Variants in ROBO2 observed in about 807,000 individuals in gnomAD.
ROBO2 encodes the protein roundabout guidance receptor 2.
In ROBO2, 53 loss-of-function variants were observed where a neutral mutation model predicts 160.8. That is an observed-to-expected ratio of 0.33 (90% CI 0.26 to 0.41). The LOEUF (loss-of-function observed/expected upper bound fraction) is 0.41. ROBO2 is among the 10% of genes least tolerant of loss of function. The pLI is 1.00. For synonymous variants in ROBO2, 664 were observed against 611.7 expected (o/e 1.09, Z -1.26); for missense variants, 1,577 against 1,722.4 (o/e 0.92, Z 1.49).
intron 2 of ROBO2, among the ~76,000 whole-genome samples, chr3:76,662,664 C>A (rs1484634688): frequency 6.6e-6 from 1 of 151,950 alleles, no homozygotes; most frequent in Non-Finnish European, 1.5e-5. Context: ...CTCATCTAGA[C>A]TTAAGGTACA....
chr3:76,574,847 C>T (rs1407396337), intron 2 of ROBO2, among the ~76,000 whole-genome samples: 1 of 152,044 alleles, frequency 6.6e-6, no homozygotes, highest in South Asian at 2.1e-4. Flanking sequence ...CCAGGTGCCG[C>T]CAGTGCTGCT....
At chr3:76,719,751 G>T (rs994540425) in intron 2 of ROBO2, among the ~76,000 whole-genome samples, 12 of 151,984 alleles carry the variant, frequency 7.9e-5, no homozygotes, top group African/African-American at 2.9e-4. Context: ...GGGTGTGGTG[G>T]TGAGCACCTG....
At chr3:76,692,385 T>C (rs1335554761) in intron 2 of ROBO2, among the ~76,000 whole-genome samples, 1 of 152,108 alleles carries the variant, frequency 6.6e-6, no homozygotes, top group East Asian at 1.9e-4. Flanking sequence ...ACAGGCCTGG[T>C]ACATTTGTGC....
chr3:77,341,968 A>G (rs1197753970), intron 2 of ROBO2, among the ~76,000 whole-genome samples: 4 of 152,172 alleles, frequency 2.6e-5, no homozygotes, highest in African/African-American at 7.2e-5. Flanking sequence ...TTCTTGGAAT[A>G]TTGCAAGAGA....
chr3:77,292,670 T>C (rs1171503377), intron 2 of ROBO2, among the ~76,000 whole-genome samples: 3 of 149,496 alleles, frequency 2.0e-5, no homozygotes, highest in East Asian at 2.0e-4. Flanking sequence ...TAAAGTAAAA[T>C]TGACGGTTAA....
chr3:76,181,494 C>A (rs1325612938), intron 2 of ROBO2, among the ~76,000 whole-genome samples: 1 of 152,070 alleles, frequency 6.6e-6, no homozygotes. Flanking sequence ...GACTTCCATG[C>A]TTTAAAATGC....
rs185327403 is a variant in ROBO2 at position 76,818,296 on chromosome 3, G to T, written c.110-279718G>T. Among the ~76,000 whole-genome samples the T allele has an allele frequency of 1.1e-4, 16 of 151,978 alleles. No individual in the cohort carries two copies. The East Asian group carries it at 3.1e-3, about 29-fold the overall frequency. On this transcript the variant is annotated intron_variant, in intron 2 of 26. Transcript: ENST00000487694. ...GTTGGGCATTTGTATATCTTGTTTT[G>T]AGAATTGTCTATTCCTGTCCTTATC...
chr3:77,245,044 A>G (rs1213360932), intron 2 of ROBO2, among the ~76,000 whole-genome samples: 1 of 151,914 alleles, frequency 6.6e-6, no homozygotes, highest in East Asian at 1.9e-4. Flanking sequence ...ATTTAAAATT[A>G]TGAGGATGAT....
At chr3:76,894,989 A>G (rs1301500310) in intron 2 of ROBO2, among the ~76,000 whole-genome samples, 1 of 152,130 alleles carries the variant, frequency 6.6e-6, no homozygotes, top group Admixed American at 6.5e-5. Flanking sequence ...TGTGTTAACT[A>G]TTTTAACATT....
chr3:76,521,358 T>C (rs2081608938), intron 2 of ROBO2, among the ~76,000 whole-genome samples: 1 of 152,102 alleles, frequency 6.6e-6, no homozygotes, highest in African/African-American at 2.4e-5. Context: ...CCAACAACAA[T>C]TGCTCTCTGC....
At chr3:77,299,738 T>C (rs779520608) in intron 2 of ROBO2, among the ~76,000 whole-genome samples, 6 of 152,106 alleles carry the variant, frequency 3.9e-5, no homozygotes, top group African/African-American at 7.2e-5. Context: ...TAGATTATGA[T>C]TGCAAAATCT....
At chr3:76,188,970 G>A (rs1302479162) in intron 2 of ROBO2, among the ~76,000 whole-genome samples, 1 of 152,120 alleles carries the variant, frequency 6.6e-6, no homozygotes, top group Non-Finnish European at 1.5e-5. Flanking sequence ...GCAAAAAAAG[G>A]TTATTGTATC....
intron 2 of ROBO2, among the ~76,000 whole-genome samples, chr3:76,624,694 A>G (rs1409107112): frequency 1.3e-5 from 2 of 148,166 alleles, no homozygotes; most frequent in Non-Finnish European, 3.0e-5. Context: ...GCTGCTCAGG[A>G]GGCTGAGGGA....
intron 2 of ROBO2, among the ~76,000 whole-genome samples, chr3:76,598,329 T>C (rs576228807): frequency 1.9e-4 from 29 of 152,120 alleles, no homozygotes; most frequent in Non-Finnish European, 4.1e-4. Context: ...TTTTTGTTGT[T>C]GTTTTTAATA....
chr3:76,739,069 T>G (rs981127275), intron 2 of ROBO2, among the ~76,000 whole-genome samples: 6 of 152,166 alleles, frequency 3.9e-5, no homozygotes, highest in African/African-American at 1.4e-4. Context: ...CAGGTCAGTG[T>G]GGCGATTCCT....
At chr3:77,507,276 C>T (rs1287034230) in intron 5 of ROBO2, among the ~76,000 whole-genome samples, 3 of 152,176 alleles carry the variant, frequency 2.0e-5, no homozygotes, top group Admixed American at 2.0e-4. Flanking sequence ...GAATCTTCCA[C>T]AGCATCTCGG....
intron 2 of ROBO2, among the ~76,000 whole-genome samples, chr3:76,943,613 C>T (rs1269273578): frequency 1.3e-5 from 2 of 152,276 alleles, no homozygotes; most frequent in South Asian, 2.1e-4. Context: ...TTTTGCACAA[C>T]AAATTTTGTT....
chr3:76,204,369 G>A (rs1702700310), intron 2 of ROBO2, among the ~76,000 whole-genome samples: 1 of 152,038 alleles, frequency 6.6e-6, no homozygotes, highest in Non-Finnish European at 1.5e-5. Context: ...AATGTGATGT[G>A]TACCTTTCTG....
chr3:77,281,911 G>A (rs566957171), intron 2 of ROBO2, among the ~76,000 whole-genome samples: 1 of 152,168 alleles, frequency 6.6e-6, no homozygotes, highest in Non-Finnish European at 1.5e-5. Flanking sequence ...TCTGACAGGA[G>A]GCGGAGCTCA....
Sources: gnomAD v4.1 joint callset for allele counts (sites outside exome capture counted in the v4.1 genomes callset) on GRCh38, gnomAD v4.1.1 for gene constraint, MANE v1.5 for transcripts, NCBI Gene and HGNC (gene_info 2026-07-23, HGNC 2026-07-21) for gene names.